ABCC3: variants seen among roughly 807,000 people sequenced by gnomAD.
ABCC3 encodes ATP binding cassette subfamily C member 3.
In ABCC3, 121 loss-of-function variants were observed where a neutral mutation model predicts 165.3. The observed-to-expected ratio is 0.73, with a 90% CI of 0.63 to 0.85. The LOEUF is 0.85. Among genes scored for constraint, ABCC3 ranks in the 40% least tolerant of loss-of-function variants. The pLI is 0.00. For missense variants in ABCC3, 1,869 were observed against 1,964.1 expected (o/e 0.95, Z 0.92); for synonymous variants, 733 against 810.1 (o/e 0.90, Z 1.62).
chr17:50,655,419 AAACAAAAAC>A (rs1334423738), intron 1 of ABCC3, among the ~76,000 whole-genome samples: 1 of 148,452 alleles, frequency 6.7e-6, no homozygotes, highest in Non-Finnish European at 1.5e-5. Context: ...AAAAAAAAAA[AAACAAAAAC>A]AAAAAAAAAA....
chr17:50,645,371 CAAAAAAA>C (rs141598761), intron 1 of ABCC3, among the ~76,000 whole-genome samples: 4 of 46,848 alleles, frequency 8.5e-5, no homozygotes, highest in African/African-American at 2.7e-4. Flanking sequence ...AAGATTCCAT[CAAAAAAA>C]AAAAAAAAAA....
At chr17:50,665,099 G>A (rs1384604799) in intron 10 of ABCC3, 54 bp from the exon 11 acceptor site, 2 of 1,520,280 alleles carry the variant, frequency 1.3e-6, no homozygotes, top group Non-Finnish European at 1.8e-6. Context: ...GGTTCTCTCT[G>A]TAGACTTTGG....
chr17:50,665,897 C>A (rs2146618017), intron 11 of ABCC3, among the ~76,000 whole-genome samples: 1 of 151,936 alleles, frequency 6.6e-6, no homozygotes, highest in South Asian at 2.1e-4. Flanking sequence ...CAGGTGTGAG[C>A]CATCACACCT....
At chr17:50,649,548 C>G (rs1385566147) in intron 1 of ABCC3, among the ~76,000 whole-genome samples, 1 of 144,644 alleles carries the variant, frequency 6.9e-6, no homozygotes, top group Non-Finnish European at 1.5e-5. Flanking sequence ...ATGGAGTCAG[C>G]TTTATACCTG....
chr17:50,652,602 T>C (rs1967132720), intron 1 of ABCC3, among the ~76,000 whole-genome samples: 1 of 152,184 alleles, frequency 6.6e-6, no homozygotes, highest in African/African-American at 2.4e-5. Flanking sequence ...CCACTGTAAC[T>C]CTTAAGTTGT....
At chr17:50,639,970 G>A (rs2054213285) in intron 1 of ABCC3, among the ~76,000 whole-genome samples, 1 of 151,958 alleles carries the variant, frequency 6.6e-6, no homozygotes, top group Admixed American at 6.6e-5. Context: ...CACCATGATG[G>A]CCAGGCTGGT....
chr17:50,655,772 C>G, intron 1 of ABCC3, 60 bp from the exon 2 acceptor site: 1 of 1,531,598 alleles, frequency 6.5e-7, no homozygotes, highest in Non-Finnish European at 9.0e-7. Context: ...CCATCTTCCT[C>G]AAGGCAGCCC....
intron 17 of ABCC3, 44 bp downstream of exon 17, chr17:50,669,572 T>G: frequency 6.3e-7 from 1 of 1,596,290 alleles, no homozygotes; most frequent in Non-Finnish European, 8.6e-7. Context: ...GGCATAGAGC[T>G]GCCCACCTCA....
intron 13 of ABCC3, among the ~76,000 whole-genome samples, 166 bp from the exon 14 acceptor site, chr17:50,668,264 T>C (rs1967568962): frequency 6.6e-6 from 1 of 152,166 alleles, no homozygotes; most frequent in Non-Finnish European, 1.5e-5. Context: ...GACTTTCTCT[T>C]TGGGCAGTGG....
chr17:50,659,101 C>G, intron 6 of ABCC3, 136 bp from the exon 7 acceptor site: 1 of 1,046,998 alleles, frequency 9.6e-7, no homozygotes, highest in Non-Finnish European at 1.4e-6. Flanking sequence ...GAAGGAGACA[C>G]CTTTCATGGT....
rs1967466697 is a variant in ABCC3, at chr17:50,664,095, T to G, written c.1322T>G (p.Ile441Ser). Residue 441 changes from isoleucine to serine, a missense_variant, in exon 10 of 31, where the codon ATC (isoleucine) becomes AGC (serine). Coordinates refer to ENST00000285238, the MANE Select transcript of ABCC3 (RefSeq NM_003786.4). The part of the protein sequence containing the change: ...WSAPLQIILA[I>S]YFLWQNLGPS... ...GCACCCCTGCAGATCATCCTGGCGA[T>G]CTACTTCCTCTGGCAGGTGACTCTC... 1 of 1,614,054 alleles carries G rather than the reference T, an allele frequency of 6.2e-7. No homozygotes were observed. The highest frequency in any genetic ancestry group is 1.1e-5 in the South Asian group (1 of 91,082).
chr17:50,691,312 A>AT lies in ABCC3; in HGVS notation c.*116dup. ...TAGCAAACACTGGGGGCACCTTAAG[A>AT]TTTTGCACCTGTAAAGTGCCTTACA... is the stretch of plus-strand genomic sequence containing the variant. On this transcript the variant is annotated 3_prime_UTR_variant, in exon 31 of 31. Transcript: ENST00000285238. 1.2e-6 allele frequency: 1 copy of AT among 812,730 alleles called. No homozygotes were observed. Among genetic ancestry groups the AT allele is most frequent in the South Asian group, 1.5e-5 (1 of 65,540 alleles). The allele number at this position is 812,730 out of a possible 1,614,324, so 50.3% of individuals were successfully genotyped here.
At chr17:50,675,823 C>T (rs1467457379) in intron 21 of ABCC3, 48 bp downstream of exon 21, 2 of 1,597,792 alleles carry the variant, frequency 1.3e-6, no homozygotes, top group African/African-American at 1.3e-5. Context: ...CAGGCAGGCC[C>T]CAGCAGCCCC....
At chr17:50,655,412 AAAAAAAAAAC>A (rs1241943403) in intron 1 of ABCC3, among the ~76,000 whole-genome samples, 9 of 149,298 alleles carry the variant, frequency 6.0e-5, no homozygotes, top group African/African-American at 2.2e-4. Context: ...CTCAAAAAAA[AAAAAAAAAAC>A]AAAAACAAAA....
chr17:50,675,741 C>A lies in ABCC3; in HGVS notation c.2825C>A (p.Ala942Glu). Residue 942 changes from alanine to glutamate, a missense_variant, in exon 21 of 31, where the codon GCA becomes GAA. Coordinates refer to ENST00000285238, the MANE Select transcript of ABCC3 (RefSeq NM_003786.4). ...VQVTEAKADG[A>E]LTQEEKAAIG... is the part of the protein sequence containing the mutation. ...GTGACAGAGGCGAAGGCAGATGGGG[C>A]ACTGACCCAGGAGGAGAAAGCAGCC... 1 of 1,563,304 alleles carries A rather than the reference C, an allele frequency of 6.4e-7. No individual in the cohort carries two copies. The highest frequency in any genetic ancestry group is 1.2e-5 in the South Asian group (1 of 85,200).
rs1302661179 is a variant in ABCC3 at position 50,662,656 on chromosome 17, A to AG, written c.999-1025_999-1024insG. On this transcript the variant is annotated intron_variant, in intron 8 of 30. Transcript: ENST00000285238. ...CTGTCTCAAAAAAAAAAAAAAAAAAAAAGAGAGAGAGAGACACCAGTCACT... is the reference window on the plus strand; with the variant it reads ...CTGTCTCAAAAAAAAAAAAAAAAAAAGAAGAGAGAGAGAGACACCAGTCACT... Among the ~76,000 whole-genome samples the AG allele has an allele frequency of 1.9e-3, 250 of 132,874 alleles. 2 individuals are homozygous for AG. In the South Asian group the frequency reaches 0.029, roughly 16 times the overall value. The allele number at this position is 132,874 out of a possible 152,430, so 87.2% of individuals were successfully genotyped here.
chr17:50,684,917 C>CT, intron 29 of ABCC3, 42 bp downstream of exon 29: 1 of 1,595,696 alleles, frequency 6.3e-7, no homozygotes, highest in Non-Finnish European at 8.5e-7. Context: ...GCAACCCTCC[C>CT]TGGGAAACCC....
intron 10 of ABCC3, 86 bp downstream of exon 10, chr17:50,664,197 G>GT: frequency 3.9e-6 from 6 of 1,547,456 alleles, no homozygotes; most frequent in Non-Finnish European, 5.3e-6. Context: ...CTGGGAGCAT[G>GT]GCACATGCTT....
At chr17:50,674,880 AC>A (rs1409553881) in intron 19 of ABCC3, among the ~76,000 whole-genome samples, 9 of 150,808 alleles carry the variant, frequency 6.0e-5, no homozygotes, top group Non-Finnish European at 1.3e-4. Flanking sequence ...GCTCACTGCA[AC>A]CTTTGCCTCC....
Sources: gnomAD v4.1 joint callset for allele counts (sites outside exome capture counted in the v4.1 genomes callset) on GRCh38, gnomAD v4.1.1 for gene constraint, MANE v1.5 for transcripts, NCBI Gene and HGNC (gene_info 2026-07-23, HGNC 2026-07-21) for gene names.